Variants in PDZRN3 observed in about 807,000 individuals in gnomAD.
The protein encoded by PDZRN3 is PDZ domain containing ring finger 3, also known as E3 ubiquitin-protein ligase PDZRN3.
A neutral mutation model predicts 85.7 loss-of-function variants in PDZRN3; 38 were observed. The ratio of observed to expected loss-of-function variants is 0.44; its 90% CI spans 0.34 to 0.58. The LOEUF is 0.58. PDZRN3 is among the 20% of genes least tolerant of loss of function. PDZRN3 has a pLI of 0.01. For missense variants in PDZRN3, 1,629 were observed against 1,506.4 expected (o/e 1.08, Z -1.35); for synonymous variants, 759 against 638.0 (o/e 1.19, Z -2.86).
chr3:73,525,763 C>A (rs1278129390), intron 3 of PDZRN3, among the ~76,000 whole-genome samples: 1 of 152,212 alleles, frequency 6.6e-6, no homozygotes, highest in African/African-American at 2.4e-5. Context: ...TTGCCTCCTG[C>A]ATTTTCTGGG....
chr3:73,486,138 A>G (rs1053506815), intron 3 of PDZRN3, among the ~76,000 whole-genome samples: 1 of 152,226 alleles, frequency 6.6e-6, no homozygotes, highest in African/African-American at 2.4e-5. Context: ...GAGACTGCAT[A>G]GTGAAGGAAA....
chr3:73,592,613 G>A (rs1702374365), intron 3 of PDZRN3, among the ~76,000 whole-genome samples: 1 of 152,156 alleles, frequency 6.6e-6, no homozygotes, highest in Non-Finnish European at 1.5e-5. Flanking sequence ...CAGGGTAAGA[G>A]CCAGAGGTCT....
intron 3 of PDZRN3, among the ~76,000 whole-genome samples, chr3:73,526,434 T>C (rs914531322): frequency 6.6e-6 from 1 of 152,192 alleles, no homozygotes; most frequent in African/African-American, 2.4e-5. Context: ...AGCCCCAGCC[T>C]TGCCAGCACC....
chr3:73,447,020 T>G (rs1209514512), intron 3 of PDZRN3, among the ~76,000 whole-genome samples: 2 of 144,008 alleles, frequency 1.4e-5, no homozygotes, highest in Non-Finnish European at 3.0e-5. Flanking sequence ...GAACCTTCCC[T>G]GCTTCTGGCC....
intron 3 of PDZRN3, among the ~76,000 whole-genome samples, chr3:73,439,161 G>A (rs890029903): frequency 4.6e-5 from 7 of 152,186 alleles, no homozygotes; most frequent in Admixed American, 1.3e-4. Flanking sequence ...GCCTCAGTCA[G>A]CGGTATATGC....
At chr3:73,608,986 T>G (rs1244065796) in intron 1 of PDZRN3, among the ~76,000 whole-genome samples, 2 of 152,176 alleles carry the variant, frequency 1.3e-5, no homozygotes, top group Non-Finnish European at 2.9e-5. Context: ...TGCAAATGCA[T>G]CTTTCTTTTG....
chr3:73,556,302 T>C (rs1340083623), intron 3 of PDZRN3, among the ~76,000 whole-genome samples: 3 of 152,002 alleles, frequency 2.0e-5, no homozygotes, highest in South Asian at 2.1e-4. Context: ...AAAAGTTATA[T>C]AACACAGCAA....
At chr3:73,612,441 G>C (rs1360231177) in intron 1 of PDZRN3, among the ~76,000 whole-genome samples, 1 of 152,196 alleles carries the variant, frequency 6.6e-6, no homozygotes, top group Non-Finnish European at 1.5e-5. Flanking sequence ...AGAGTTTTAA[G>C]TAAGGCTTCT....
intron 3 of PDZRN3, among the ~76,000 whole-genome samples, chr3:73,439,963 C>G (rs1702601408): frequency 6.6e-6 from 1 of 152,066 alleles, no homozygotes; most frequent in Non-Finnish European, 1.5e-5. Flanking sequence ...GTCTTGAACT[C>G]CTGACCTCAA....
Position 73,384,834 on chromosome 3 carries a change from T to C in PDZRN3, c.1732A>G (p.Thr578Ala). 1 of 1,614,170 alleles carries C rather than the reference T, an allele frequency of 6.2e-7. No individual in the cohort carries two copies. Among genetic ancestry groups the C allele is most frequent in the Non-Finnish European group, 8.5e-7 (1 of 1,180,030 alleles). The stretch of plus-strand genomic sequence containing the variant: ...TGCTCCGAGCTCTCGTCATTACGGG[T>C]GCTCTCGTCGGTCCGCCCCACACCG... ...DSGVGRTDESTRNDESSEQEN... is the reference protein window; with the variant it reads ...DSGVGRTDESARNDESSEQEN... The change falls in exon 10 of 10, where the codon ACC becomes GCC. Residue 578 changes from threonine to alanine, a missense_variant. Physicochemically the swap from Thr to Ala is moderately conservative, Grantham distance 58 (BLOSUM62 0). Transcript: ENST00000263666.
chr3:73,568,372 A>G (rs1424816621), intron 3 of PDZRN3, among the ~76,000 whole-genome samples: 1 of 152,210 alleles, frequency 6.6e-6, no homozygotes, highest in African/African-American at 2.4e-5. Context: ...CTACAGAAAT[A>G]GACACTCATT....
At chr3:73,466,334 A>AG (rs374408287) in intron 3 of PDZRN3, among the ~76,000 whole-genome samples, 1 of 147,430 alleles carries the variant, frequency 6.8e-6, no homozygotes, top group South Asian at 2.1e-4. Flanking sequence ...AAAAAAAAAA[A>AG]GGGGGGGCCC....
At chr3:73,498,311 G>C (rs970621323) in intron 3 of PDZRN3, among the ~76,000 whole-genome samples, 1 of 152,090 alleles carries the variant, frequency 6.6e-6, no homozygotes, top group Non-Finnish European at 1.5e-5. Context: ...TTCCCAGCTG[G>C]GATAAGTAGA....
chr3:73,496,933 T>C (rs890915297), intron 3 of PDZRN3, among the ~76,000 whole-genome samples: 1 of 152,202 alleles, frequency 6.6e-6, no homozygotes, highest in Admixed American at 6.5e-5. Context: ...TTCAGCAGAA[T>C]CATTAACGTA....
intron 3 of PDZRN3, among the ~76,000 whole-genome samples, chr3:73,579,363 T>G (rs1050854750): frequency 6.6e-6 from 1 of 152,132 alleles, no homozygotes; most frequent in South Asian, 2.1e-4. Context: ...ACAACCTACA[T>G]AGATAAAAGG....
chr3:73,502,945 A>G (rs1356007027), intron 3 of PDZRN3, among the ~76,000 whole-genome samples: 1 of 152,232 alleles, frequency 6.6e-6, no homozygotes, highest in East Asian at 1.9e-4. Flanking sequence ...TGATCTGTTA[A>G]GTAAGAATTT....
intron 3 of PDZRN3, among the ~76,000 whole-genome samples, chr3:73,546,549 C>G (rs949878966): frequency 6.6e-6 from 1 of 152,322 alleles, no homozygotes; most frequent in South Asian, 2.1e-4. Context: ...TCAATACAAG[C>G]TTTTTTGTAA....
At chr3:73,428,046 G>A (rs1702352733) in intron 3 of PDZRN3, among the ~76,000 whole-genome samples, 1 of 152,182 alleles carries the variant, frequency 6.6e-6, no homozygotes, top group Non-Finnish European at 1.5e-5. Flanking sequence ...GCAAAGTCTT[G>A]AGAAGGAAGG....
chr3:73,535,532 G>A (rs1327971692), intron 3 of PDZRN3, among the ~76,000 whole-genome samples: 2 of 152,128 alleles, frequency 1.3e-5, no homozygotes, highest in African/African-American at 2.4e-5. Context: ...TATTCCCAAA[G>A]CTTAAAGTGA....
Sources: gnomAD v4.1 joint callset for allele counts (sites outside exome capture counted in the v4.1 genomes callset) on GRCh38, gnomAD v4.1.1 for gene constraint, MANE v1.5 for transcripts, NCBI Gene and HGNC (gene_info 2026-07-23, HGNC 2026-07-21) for gene names.